Variants in MCM9 observed in about 807,000 individuals in gnomAD.
MCM9 encodes minichromosome maintenance 9 homologous recombination repair factor, also known as DNA helicase MCM9.
Under a neutral mutation model 72.8 loss-of-function variants are expected in MCM9, and 55 were observed. That is an observed-to-expected ratio of 0.76 (90% CI 0.61 to 0.95). The LOEUF is 0.95. MCM9 is among the 40% of genes least tolerant of loss of function. MCM9 has a pLI of 0.00. For missense variants in MCM9, 1,279 were observed against 1,377.0 expected (o/e 0.93, Z 1.13); for synonymous variants, 480 against 503.4 (o/e 0.95, Z 0.62).
intron 13 of MCM9, among the ~76,000 whole-genome samples, chr6:118,825,942 C>T (rs549842618): frequency 1.3e-5 from 2 of 152,138 alleles, no homozygotes; most frequent in Admixed American, 6.5e-5. Flanking sequence ...GGGTGGTGTT[C>T]GCAGTCACTG....
Position 118,826,692 on chromosome 6 carries a change from A to G in MCM9, c.1815+90T>C, listed in dbSNP as rs1774189579. 9 of 898,520 alleles carry G rather than the reference A, an allele frequency of 1.0e-5. No individual in the cohort carries two copies. The Admixed American group carries it at 2.5e-4, about 25-fold the overall frequency. The allele number at this position is 898,520 out of a possible 1,614,324, so 55.7% of individuals were successfully genotyped here. A position where few individuals can be genotyped will look rare whatever the true frequency, so the allele number is the denominator to read the frequency against. ...CTAAGTCTAGAATATGAGCATTTTAATAACTTTTGATATGTTAATAAAGTG... is the reference window on the plus strand; with the variant it reads ...CTAAGTCTAGAATATGAGCATTTTAGTAACTTTTGATATGTTAATAAAGTG... On this transcript the variant is annotated intron_variant, in intron 12 of 13. Coordinates refer to ENST00000619706, the MANE Select transcript of MCM9 (RefSeq NM_017696.3).
At chr6:118,905,253 C>T (rs1295676391) in intron 8 of MCM9, among the ~76,000 whole-genome samples, 7 of 152,134 alleles carry the variant, frequency 4.6e-5, no homozygotes, top group African/African-American at 2.4e-5. Flanking sequence ...CATTTGTGGC[C>T]AACAGTCTAT....
At chr6:118,833,396 T>C (rs1321481239) in intron 9 of MCM9, among the ~76,000 whole-genome samples, 1 of 152,106 alleles carries the variant, frequency 6.6e-6, no homozygotes, top group Admixed American at 6.6e-5. Context: ...ATTTTCTCAG[T>C]TGTATAAAGT....
Position 118,816,040 on chromosome 6 carries a change from T to G in MCM9, c.2216A>C (p.Asp739Ala). The change falls in exon 14 of 14, where the codon GAT becomes GCT. Residue 739 changes from aspartate (D) to alanine (A), a missense_variant. Transcript: ENST00000619706. ...KHSAQHKNNR[D>A]DSLDWFDFMA... ...GAAATCAAACCAATCTAAACTGTCATCTCTGTTATTTTTGTGCTGAGCTGA... is the reference window on the plus strand; with the variant it reads ...GAAATCAAACCAATCTAAACTGTCAGCTCTGTTATTTTTGTGCTGAGCTGA... 3 of 1,550,408 alleles carry G rather than the reference T, an allele frequency of 1.9e-6. No homozygotes were observed. The highest frequency in any genetic ancestry group is 1.7e-6 in the Non-Finnish European group (2 of 1,146,866).
intron 8 of MCM9, among the ~76,000 whole-genome samples, chr6:118,899,779 A>C (rs1280238236): frequency 1.3e-5 from 2 of 152,256 alleles, no homozygotes; most frequent in African/African-American, 4.8e-5. Flanking sequence ...ACATGGTGGC[A>C]CTAACTAGAT....
intron 8 of MCM9, chr6:118,908,859 T>C (rs1306187303): frequency 6.6e-6 from 1 of 152,632 alleles, no homozygotes; most frequent in Non-Finnish European, 1.5e-5. Flanking sequence ...CTAAAACTTT[T>C]ATACTGCACT....
intron 6 of MCM9, among the ~76,000 whole-genome samples, chr6:118,914,483 G>A (rs925636788): frequency 3.3e-5 from 5 of 152,168 alleles, no homozygotes; most frequent in African/African-American, 9.7e-5. Flanking sequence ...GATGTGGCCT[G>A]CGATGGCAGA....
At chr6:118,819,912 T>C (rs1323037919) in intron 13 of MCM9, among the ~76,000 whole-genome samples, 1 of 152,108 alleles carries the variant, frequency 6.6e-6, no homozygotes, top group Non-Finnish European at 1.5e-5. Flanking sequence ...CTGCATAGAG[T>C]TGTTTACAGT....
At chr6:118,909,842 C>T (rs997035765) in intron 8 of MCM9, among the ~76,000 whole-genome samples, 8 of 152,130 alleles carry the variant, frequency 5.3e-5, no homozygotes, top group Non-Finnish European at 7.4e-5. Context: ...TAGGGCCGGG[C>T]GCAGTGGCTC....
chr6:118,894,400 G>T (rs769501935), intron 8 of MCM9: 20 of 1,536,790 alleles, frequency 1.3e-5, no homozygotes, highest in Non-Finnish European at 1.7e-5. Flanking sequence ...CATTGTTTGT[G>T]TTTTTTTCAA....
At position 118,933,292 on chromosome 6, in the gene MCM9, G is replaced by A. The variant is rs189728426; in HGVS notation, c.-149-552C>T. 9.9e-5 allele frequency among the ~76,000 whole-genome samples: 15 copies of A among 152,202 alleles called. No homozygotes were observed. In the East Asian group the frequency reaches 2.9e-3, roughly 29 times the overall value. ...AGGCAGGTGGATCACGAGGTCAGGA[G>A]ATCGAGACCATCCTGGCTAACACGG... On this transcript the variant is annotated intron_variant, in intron 1 of 13. Coordinates refer to ENST00000619706, the MANE Select transcript of MCM9 (RefSeq NM_017696.3).
chr6:118,824,639 C>T (rs1340160214), intron 13 of MCM9, among the ~76,000 whole-genome samples: 5 of 151,974 alleles, frequency 3.3e-5, no homozygotes, highest in African/African-American at 1.2e-4. Context: ...ATAGAATGGC[C>T]GAGTCAGACT....
chr6:118,875,020 G>A (rs1460080537), intron 8 of MCM9, among the ~76,000 whole-genome samples: 5 of 152,202 alleles, frequency 3.3e-5, no homozygotes, highest in Non-Finnish European at 7.3e-5. Context: ...GGCTGAGACA[G>A]GAGAATCGCT....
At chr6:118,893,922 T>TCCCGCCGCAGCCACGCCTC (rs931219561) in intron 8 of MCM9, 26,218 of 721,154 alleles carry the variant, frequency 0.036, 816 homozygotes, top group East Asian at 0.17. Context: ...GATCGCGCCC[T>TCCCGCCGCAGCCACGCCTC]CCCGCCGCAG....
intron 9 of MCM9, among the ~76,000 whole-genome samples, chr6:118,830,035 A>G (rs775392082): frequency 5.3e-5 from 8 of 152,168 alleles, no homozygotes; most frequent in Non-Finnish European, 7.4e-5. Context: ...GGGCTCTAGT[A>G]CAATGGTCCA....
intron 8 of MCM9, chr6:118,911,077 T>C (rs2114579389): frequency 3.0e-6 from 3 of 984,526 alleles, no homozygotes; most frequent in South Asian, 4.7e-5. Flanking sequence ...ATTCCCTGGG[T>C]CACTTTATTT....
At chr6:118,821,720 A>G (rs1773826258) in intron 13 of MCM9, among the ~76,000 whole-genome samples, 1 of 152,180 alleles carries the variant, frequency 6.6e-6, no homozygotes, top group African/African-American at 2.4e-5. Flanking sequence ...GTGTTTTCCA[A>G]CTTGGTTCCA....
At chr6:118,904,105 A>T (rs1462107889) in intron 8 of MCM9, among the ~76,000 whole-genome samples, 1 of 152,160 alleles carries the variant, frequency 6.6e-6, no homozygotes, top group African/African-American at 2.4e-5. Context: ...GAGAAAGAAC[A>T]TATCTGTGTT....
chr6:118,928,957 T>C (rs1249978412), intron 3 of MCM9, among the ~76,000 whole-genome samples: 1 of 152,080 alleles, frequency 6.6e-6, no homozygotes, highest in Non-Finnish European at 1.5e-5. Context: ...CCATGGCTCA[T>C]GCCTGCAATC....
Sources: allele counts gnomAD v4.1 joint callset (sites outside exome capture counted in the v4.1 genomes callset), GRCh38; gene constraint gnomAD v4.1.1; transcripts MANE v1.5; gene names NCBI Gene and HGNC (gene_info 2026-07-23, HGNC 2026-07-21).